STARD3NL: variants seen among roughly 807,000 people sequenced by gnomAD.
The protein encoded by STARD3NL is STARD3 N-terminal like, also known as STARD3 N-terminal-like protein.
Under a neutral mutation model 30.9 loss-of-function variants are expected in STARD3NL, and 17 were observed. That is an observed-to-expected ratio of 0.55 (90% CI 0.38 to 0.82). The LOEUF (loss-of-function observed/expected upper bound fraction) is 0.82. Ranked by LOEUF, STARD3NL falls within the 40% of genes least tolerant of loss-of-function variation. STARD3NL has a pLI of 0.00. For missense variants in STARD3NL, 234 were observed against 277.6 expected (o/e 0.84, Z 1.12); for synonymous variants, 112 against 100.5 (o/e 1.11, Z -0.69).
At chr7:38,184,226 T>G (rs932981369) in intron 1 of STARD3NL, among the ~76,000 whole-genome samples, 11 of 152,142 alleles carry the variant, frequency 7.2e-5, no homozygotes, top group African/African-American at 2.7e-4. Flanking sequence ...ATTCTTGCTG[T>G]TAATATGATA....
chr7:38,222,829 T>G (rs934166905), intron 7 of STARD3NL, among the ~76,000 whole-genome samples: 7 of 152,154 alleles, frequency 4.6e-5, no homozygotes, highest in Non-Finnish European at 7.3e-5. Flanking sequence ...GTGGACTACC[T>G]TATTATATTT....
rs1399291619 is a variant in STARD3NL, at chr7:38,204,875, A to G, written c.-58-2572A>G. 3.9e-5 allele frequency among the ~76,000 whole-genome samples: 6 copies of G among 152,262 alleles called. No individual in the cohort carries two copies. The South Asian group carries it at 1.0e-3, about 26-fold the overall frequency. On this transcript the variant is annotated intron_variant, in intron 1 of 8. Coordinates refer to ENST00000009041, the MANE Select transcript of STARD3NL (RefSeq NM_032016.4). ...ATAAACACCTCTACGCAAATAAACT[A>G]GAAAATCTAGAAGAAATGGATAAAT...
rs1007409751 is a variant in STARD3NL at position 38,230,297 on chromosome 7, C to T, written c.*392C>T. On this transcript the variant is annotated 3_prime_UTR_variant, in exon 9 of 9. Transcript: ENST00000009041. ...AGAATGGAATTTTTTTGTTTCATGT[C>T]TCAGATTTATTTTGTATTTCTTTTT... The T allele has an allele frequency of 2.6e-5, 4 of 152,588 alleles. No individual in the cohort carries two copies. Among genetic ancestry groups the T allele is most frequent in the Non-Finnish European group, 4.4e-5 (3 of 68,028 alleles). 9.5% of individuals were successfully genotyped at this position (152,588 alleles called of 1,614,324 possible). A position where few individuals can be genotyped will look rare whatever the true frequency, so the allele number is the denominator to read the frequency against.
At chr7:38,224,741 G>A (rs553822557) in intron 7 of STARD3NL, among the ~76,000 whole-genome samples, 1 of 152,218 alleles carries the variant, frequency 6.6e-6, no homozygotes, top group African/African-American at 2.4e-5. Flanking sequence ...CAATGGCAAA[G>A]TAGTAATTCT....
At chr7:38,219,711 G>T in intron 7 of STARD3NL, 51 bp downstream of exon 7, 1 of 1,481,234 alleles carries the variant, frequency 6.8e-7, no homozygotes, top group Non-Finnish European at 9.4e-7. Flanking sequence ...CAAAGGCTCT[G>T]CTCTTCCTTC....
intron 1 of STARD3NL, among the ~76,000 whole-genome samples, chr7:38,192,694 A>G (rs1784734826): frequency 6.6e-6 from 1 of 152,190 alleles, no homozygotes; most frequent in Non-Finnish European, 1.5e-5. Flanking sequence ...CATAAATTTA[A>G]TTTGCTTCTC....
intron 7 of STARD3NL, among the ~76,000 whole-genome samples, chr7:38,226,957 C>G (rs749274480): frequency 6.6e-6 from 1 of 152,178 alleles, no homozygotes; most frequent in Non-Finnish European, 1.5e-5. Flanking sequence ...AACTGCTATT[C>G]CCTGAATTCT....
chr7:38,214,004 T>C (rs1785957596), intron 2 of STARD3NL, among the ~76,000 whole-genome samples: 1 of 152,212 alleles, frequency 6.6e-6, no homozygotes, highest in Admixed American at 6.5e-5. Flanking sequence ...AGTAAGGTAG[T>C]CCTGGATAAA....
chr7:38,198,659 G>T (rs1785035022), intron 1 of STARD3NL, among the ~76,000 whole-genome samples: 1 of 152,228 alleles, frequency 6.6e-6, no homozygotes, highest in Non-Finnish European at 1.5e-5. Flanking sequence ...GAGAAGGCTG[G>T]GTGGTTGGGT....
intron 1 of STARD3NL, among the ~76,000 whole-genome samples, chr7:38,191,252 G>T (rs1784674101): frequency 6.6e-6 from 1 of 152,066 alleles, no homozygotes. Context: ...CTGTATAGAA[G>T]AACTCTTCCC....
intron 1 of STARD3NL, among the ~76,000 whole-genome samples, chr7:38,196,550 T>C (rs868198791): frequency 1.3e-5 from 2 of 152,196 alleles, no homozygotes; most frequent in Admixed American, 6.5e-5. Flanking sequence ...ATAAACTTCT[T>C]TTTCTCTGTT....
intron 1 of STARD3NL, among the ~76,000 whole-genome samples, chr7:38,192,767 G>A (rs1289212553): frequency 6.6e-6 from 1 of 152,108 alleles, no homozygotes; most frequent in Non-Finnish European, 1.5e-5. Flanking sequence ...CTTAATATTT[G>A]GAAAATTTCC....
chr7:38,180,360 C>G (rs2115869548), intron 1 of STARD3NL, among the ~76,000 whole-genome samples: 1 of 152,298 alleles, frequency 6.6e-6, no homozygotes, highest in East Asian at 1.9e-4. Flanking sequence ...ACCGTGAATA[C>G]TCTTTCTTAT....
At chr7:38,217,417 G>C in intron 6 of STARD3NL, 112 bp downstream of exon 6, 1 of 945,212 alleles carries the variant, frequency 1.1e-6, no homozygotes, top group Non-Finnish European at 1.6e-6. Flanking sequence ...TTAGGCAGTG[G>C]TGGGGTCTTC....
intron 2 of STARD3NL, among the ~76,000 whole-genome samples, chr7:38,210,484 G>A (rs1278680775): frequency 2.0e-5 from 3 of 152,242 alleles, no homozygotes; most frequent in South Asian, 4.1e-4. Context: ...TGCAGGGCTC[G>A]GTGAGCCAGA....
intron 7 of STARD3NL, among the ~76,000 whole-genome samples, chr7:38,220,937 C>CT (rs1031030161): frequency 2.8e-4 from 36 of 126,368 alleles, no homozygotes; most frequent in African/African-American, 8.9e-4. Context: ...GACCTTGTCT[C>CT]TATTAAAAAA....
intron 1 of STARD3NL, chr7:38,179,043 G>A (rs2115853156): frequency 6.6e-6 from 1 of 152,324 alleles, no homozygotes; most frequent in African/African-American, 2.4e-5. Flanking sequence ...GGTGGACATT[G>A]TGGAACTTTT....
intron 1 of STARD3NL, chr7:38,198,152 TAGAG>T (rs1293436319): frequency 6.6e-6 from 1 of 152,286 alleles, no homozygotes; most frequent in Non-Finnish European, 1.5e-5. Context: ...GGCAGGACGA[TAGAG>T]AGGAAAGAGC....
At chr7:38,212,477 T>A (rs1785864511) in intron 2 of STARD3NL, among the ~76,000 whole-genome samples, 1 of 152,246 alleles carries the variant, frequency 6.6e-6, no homozygotes, top group Non-Finnish European at 1.5e-5. Context: ...GCATTTGTTT[T>A]CTTATTTGCT....
Sources: allele counts gnomAD v4.1 joint callset (sites outside exome capture counted in the v4.1 genomes callset), GRCh38; gene constraint gnomAD v4.1.1; transcripts MANE v1.5; gene names NCBI Gene and HGNC (gene_info 2026-07-23, HGNC 2026-07-21).